The following NFE2L2 variants were observed in gnomAD, a reference collection of about 807,000 sequenced individuals.
NFE2L2 encodes the protein nuclear factor erythroid 2-related factor 2.
Under a neutral mutation model 49.6 loss-of-function variants are expected in NFE2L2, and 20 were observed. The ratio of observed to expected loss-of-function variants is 0.40; its 90% CI spans 0.28 to 0.59. The LOEUF is 0.59. Among genes scored for constraint, NFE2L2 ranks in the 20% least tolerant of loss-of-function variants. The pLI, the probability that NFE2L2 is intolerant of heterozygous loss-of-function variation, is 0.40. For synonymous variants in NFE2L2, 244 were observed against 256.5 expected, an observed-to-expected ratio of 0.95 and a Z score of 0.47; for missense variants, 578 against 714.2, an observed-to-expected ratio of 0.81 and a Z score of 2.17.
chr2:177,236,096 A>G (rs1689740568), intron 1 of NFE2L2, among the ~76,000 whole-genome samples: 1 of 152,242 alleles, frequency 6.6e-6, no homozygotes, highest in South Asian at 2.1e-4. Flanking sequence ...TAGACACGTC[A>G]CACTTTGCAT....
chr2:177,244,157 C>T (rs1478688687), intron 1 of NFE2L2, among the ~76,000 whole-genome samples: 1 of 151,646 alleles, frequency 6.6e-6, no homozygotes, highest in African/African-American at 2.4e-5. Flanking sequence ...AAAAATTAGC[C>T]AGGCATGGTG....
At chr2:177,263,256 G>C (rs1379867300) in intron 1 of NFE2L2, 2 of 570,440 alleles carry the variant, frequency 3.5e-6, no homozygotes, top group Non-Finnish European at 4.4e-6. Flanking sequence ...CTGCAGAAGA[G>C]GGGGAACATG....
chr2:177,235,773 G>T (rs903560489), intron 1 of NFE2L2, among the ~76,000 whole-genome samples: 1 of 152,150 alleles, frequency 6.6e-6, no homozygotes, highest in East Asian at 1.9e-4. Flanking sequence ...GCCATGGTGA[G>T]CTGTGATTGT....
intron 1 of NFE2L2, among the ~76,000 whole-genome samples, chr2:177,257,866 G>A (rs1348651191): frequency 6.6e-6 from 1 of 152,234 alleles, no homozygotes; most frequent in African/African-American, 2.4e-5. Flanking sequence ...ATGATCTGAG[G>A]TGGAACAGTT....
intron 3 of NFE2L2, 75 bp from the exon 4 acceptor site, chr2:177,232,658 A>G: frequency 7.1e-7 from 1 of 1,408,530 alleles, no homozygotes; most frequent in Non-Finnish European, 9.8e-7. Context: ...ACCACTACAA[A>G]ACAAAATGGA....
At position 177,264,657 on chromosome 2, in the gene NFE2L2, T is replaced by G. The variant is rs1034286727; in HGVS notation, c.-81A>C. ...CGAGGCGCGGCGCGGACAGGGCGGC[T>G]CTGGTGGCGGCGGCGGCGGCGGTGG... On this transcript the variant is annotated 5_prime_UTR_variant, in exon 1 of 5. Transcript: ENST00000397062. 5.5e-6 allele frequency: 7 copies of G among 1,282,536 alleles called. No homozygotes were observed. In the African/African-American group the frequency reaches 1.2e-4, roughly 21 times the overall value. The allele number at this position is 1,282,536 out of a possible 1,614,324, so 79.4% of individuals were successfully genotyped here. A position where few individuals can be genotyped will look rare whatever the true frequency, so the allele number is the denominator to read the frequency against.
chr2:177,230,710 T>C lies in NFE2L2; in HGVS notation c.*75A>G. On this transcript the variant is annotated 3_prime_UTR_variant, in exon 5 of 5. Transcript: ENST00000397062. ...TAGAATTACTTATAAAGTATGAGCA[T>C]TTCACATCACAGTAGGAGCTTTTAG... The C allele has an allele frequency of 6.8e-7, 1 of 1,462,400 alleles. No homozygotes were observed. 90.6% of individuals were successfully genotyped at this position (1,462,400 alleles called of 1,614,324 possible).
chr2:177,237,294 TA>T (rs1186075464), intron 1 of NFE2L2, among the ~76,000 whole-genome samples: 19 of 152,318 alleles, frequency 1.2e-4, no homozygotes, highest in Admixed American at 2.0e-4. Flanking sequence ...CAGGTCAGAT[TA>T]AGTCTGTAGG....
chr2:177,231,496 T>C lies in NFE2L2; in HGVS notation c.1107A>G (p.Thr369=). Residue 369 remains threonine, a synonymous_variant, in exon 5 of 5, where the codon ACA becomes ACG. Coordinates refer to ENST00000397062, the MANE Select transcript of NFE2L2 (RefSeq NM_006164.5). ...CTTCAGAATCACTGAGGCCAAGTAG[T>C]GTGTCTCCATAGCTGGAAGATTCCA... ...HSVESSSYGD[T]LLGLSDSEVE... is the part of the protein sequence containing the mutation. 1 of 1,614,238 alleles carries C rather than the reference T, an allele frequency of 6.2e-7. No homozygotes were observed. Among genetic ancestry groups the C allele is most frequent in the Non-Finnish European group, 8.5e-7 (1 of 1,180,032 alleles).
At chr2:177,244,700 G>T (rs2105473383) in intron 1 of NFE2L2, among the ~76,000 whole-genome samples, 1 of 152,246 alleles carries the variant, frequency 6.6e-6, no homozygotes, top group Admixed American at 6.5e-5. Flanking sequence ...GAGATGGCAA[G>T]AACACACAAG....
chr2:177,236,440 C>G (rs555337056), intron 1 of NFE2L2, among the ~76,000 whole-genome samples: 8 of 152,140 alleles, frequency 5.3e-5, no homozygotes, highest in African/African-American at 1.9e-4. Flanking sequence ...TAGGACATAC[C>G]TAATTATCTT....
intron 1 of NFE2L2, among the ~76,000 whole-genome samples, chr2:177,238,832 GAATT>G (rs1439781759): frequency 6.6e-6 from 1 of 152,208 alleles, no homozygotes; most frequent in Non-Finnish European, 1.5e-5. Context: ...CAGAGATTCT[GAATT>G]ATTTACAAAT....
Position 177,231,320 on chromosome 2 carries a change from T to C in NFE2L2, c.1283A>G (p.Lys428Arg), listed in dbSNP as rs201560221. The C allele has an allele frequency of 5.0e-6, 8 of 1,614,148 alleles. No homozygotes were observed. Among genetic ancestry groups the C allele is most frequent in the Non-Finnish European group, 6.8e-6 (8 of 1,180,060 alleles). Residue 428 changes from lysine (K) to arginine (R), a missense_variant, in exon 5 of 5, where the codon AAA (lysine) becomes AGA (arginine). Transcript: ENST00000397062. ...ATGACCAGGACTTACAGGCAATTCT[T>C]TCTCTGGTGTGTTCTCACATTGGGC... ...HDAQCENTPE[K>R]ELPVSPGHRK... is the part of the protein sequence containing the mutation.
Position 177,231,522 on chromosome 2 carries a change from C to G in NFE2L2, c.1081G>C (p.Val361Leu). ...GTGTCTCCATAGCTGGAAGATTCCA[C>G]TGAGTGTTCTGGTGATGCCACACTG... ...SPSVASPEHS[V>L]ESSSYGDTLL... Residue 361 changes from valine (V) to leucine (L), a missense_variant, in exon 5 of 5, where the codon GTG becomes CTG. Val to Leu is a conservative substitution (Grantham distance 32). Coordinates refer to ENST00000397062, the MANE Select transcript of NFE2L2 (RefSeq NM_006164.5). 1.2e-6 allele frequency: 2 copies of G among 1,614,208 alleles called. No homozygotes were observed. Among genetic ancestry groups the G allele is most frequent in the Non-Finnish European group, 8.5e-7 (1 of 1,180,018 alleles).
At chr2:177,256,085 C>A (rs1690510656) in intron 1 of NFE2L2, 1 of 154,754 alleles carries the variant, frequency 6.5e-6, no homozygotes, top group South Asian at 2.0e-4. Context: ...TCAACACTCT[C>A]TAGACACAAC....
chr2:177,264,412 T>G, intron 1 of NFE2L2, 120 bp downstream of exon 1: 1 of 1,066,670 alleles, frequency 9.4e-7, no homozygotes, highest in Non-Finnish European at 1.3e-6. Context: ...AGCGCCGCGG[T>G]CCTGGCTCTG....
chr2:177,239,508 C>G (rs1160030904), intron 1 of NFE2L2, among the ~76,000 whole-genome samples: 2 of 152,096 alleles, frequency 1.3e-5, no homozygotes, highest in Admixed American at 6.5e-5. Flanking sequence ...GAAACCCTGT[C>G]TCTACTAAAA....
intron 1 of NFE2L2, chr2:177,263,703 G>A (rs968657880): frequency 9.1e-6 from 9 of 985,382 alleles, no homozygotes; most frequent in Non-Finnish European, 9.6e-6. Context: ...CGCCGACTCC[G>A]GCCTCAGAGT....
intron 1 of NFE2L2, among the ~76,000 whole-genome samples, chr2:177,255,037 T>A (rs559601549): frequency 3.3e-5 from 5 of 152,340 alleles, no homozygotes; most frequent in Admixed American, 6.5e-5. Context: ...CTGCACAATT[T>A]ACAGCACAAT....
Sources: allele counts gnomAD v4.1 joint callset (sites outside exome capture counted in the v4.1 genomes callset), GRCh38; gene constraint gnomAD v4.1.1; transcripts MANE v1.5; gene names NCBI Gene and HGNC (gene_info 2026-07-23, HGNC 2026-07-21).